Variants in DLGAP2 observed in about 807,000 individuals in gnomAD.
DLGAP2 encodes disks large-associated protein 2.
In DLGAP2, 26 loss-of-function variants were observed where a neutral mutation model predicts 100.3. The ratio of observed to expected loss-of-function variants is 0.26; its 90% CI spans 0.19 to 0.36. The LOEUF (loss-of-function observed/expected upper bound fraction) is 0.36. Among genes scored for constraint, DLGAP2 ranks in the 10% least tolerant of loss-of-function variants. The pLI is 1.00. For missense variants in DLGAP2, 1,858 were observed against 1,453.2 expected (o/e 1.28, Z -4.53); for synonymous variants, 886 against 630.1 (o/e 1.41, Z -6.08).
intron 2 of DLGAP2, chr8:926,910 C>G: frequency 1.7e-6 from 1 of 573,996 alleles, no homozygotes; most frequent in South Asian, 7.6e-5. Flanking sequence ...CGTAGGCGTT[C>G]CAGGTGTTCC....
At chr8:1,198,750 G>A (rs1462271551) in intron 2 of DLGAP2, among the ~76,000 whole-genome samples, 1 of 152,194 alleles carries the variant, frequency 6.6e-6, no homozygotes, top group Non-Finnish European at 1.5e-5. Flanking sequence ...GTGTCCTTTG[G>A]CAAGACCACA....
chr8:1,586,472 T>G (rs1169637817), intron 6 of DLGAP2, among the ~76,000 whole-genome samples: 1 of 152,192 alleles, frequency 6.6e-6, no homozygotes, highest in African/African-American at 2.4e-5. Context: ...TGCCTTCCTC[T>G]TCTGCTTTCA....
chr8:1,209,119 A>G (rs527636060), intron 2 of DLGAP2, among the ~76,000 whole-genome samples: 4 of 152,272 alleles, frequency 2.6e-5, no homozygotes, highest in Non-Finnish European at 4.4e-5. Context: ...TCAAAATACC[A>G]TCATCATTCT....
chr8:944,418 T>G (rs1799266807), intron 2 of DLGAP2, among the ~76,000 whole-genome samples: 1 of 151,816 alleles, frequency 6.6e-6, no homozygotes, highest in African/African-American at 2.4e-5. Flanking sequence ...TGGTAATTGA[T>G]CCCTGTGGAT....
intron 1 of DLGAP2, among the ~76,000 whole-genome samples, chr8:878,110 C>G (rs1797719279): frequency 6.6e-6 from 1 of 152,122 alleles, no homozygotes; most frequent in Non-Finnish European, 1.5e-5. Context: ...ACTGGGAGTC[C>G]TCATACTGTC....
chr8:873,752 T>C (rs1056689088), intron 1 of DLGAP2, among the ~76,000 whole-genome samples: 6 of 152,204 alleles, frequency 3.9e-5, no homozygotes, highest in African/African-American at 1.4e-4. Flanking sequence ...GCATTGTTAT[T>C]AATTGTTCTT....
chr8:1,173,937 C>G (rs1163960811), intron 2 of DLGAP2, among the ~76,000 whole-genome samples: 1 of 152,202 alleles, frequency 6.6e-6, no homozygotes, highest in East Asian at 1.9e-4. Context: ...CCTGGTACCT[C>G]AGATGGAAAT....
chr8:1,204,525 C>A (rs1211125034), intron 2 of DLGAP2, among the ~76,000 whole-genome samples: 1 of 152,174 alleles, frequency 6.6e-6, no homozygotes, highest in African/African-American at 2.4e-5. Context: ...CCTGGTGAAA[C>A]TGGACAAAGA....
chr8:1,122,437 T>A (rs1796070441), intron 2 of DLGAP2, among the ~76,000 whole-genome samples: 1 of 152,198 alleles, frequency 6.6e-6, no homozygotes, highest in Non-Finnish European at 1.5e-5. Flanking sequence ...GGGAGCTCTG[T>A]TACTGCCATC....
intron 2 of DLGAP2, among the ~76,000 whole-genome samples, chr8:1,188,984 G>GCGGGA (rs1797576285): frequency 6.8e-6 from 1 of 147,100 alleles, no homozygotes. Flanking sequence ...TCGGGCCCCA[G>GCGGGA]GCCGGTTCCG....
At chr8:1,136,381 T>C (rs964897740) in intron 2 of DLGAP2, among the ~76,000 whole-genome samples, 4 of 152,126 alleles carry the variant, frequency 2.6e-5, no homozygotes, top group Admixed American at 1.3e-4. Context: ...CAGATGCTCG[T>C]GGGAGAGAAG....
At chr8:1,139,352 T>G (rs13259130) in intron 2 of DLGAP2, among the ~76,000 whole-genome samples, 134,563 of 152,230 alleles carry the variant, frequency 0.88, 59,574 homozygotes, top group Middle Eastern at 0.92. Context: ...GGCAGCCTTG[T>G]CAGCAGACAT....
intron 2 of DLGAP2, among the ~76,000 whole-genome samples, chr8:1,077,933 C>T (rs759133080): frequency 1.3e-5 from 2 of 152,220 alleles, no homozygotes; most frequent in African/African-American, 2.4e-5. Context: ...TGATTCTCTC[C>T]ACACCACTGT....
intron 1 of DLGAP2, among the ~76,000 whole-genome samples, chr8:899,131 T>A (rs2128997046): frequency 6.6e-6 from 1 of 152,330 alleles, no homozygotes; most frequent in African/African-American, 2.4e-5. Context: ...GCCTGATGTC[T>A]TCACGCCACT....
intron 2 of DLGAP2, among the ~76,000 whole-genome samples, chr8:1,187,243 C>T (rs1338064902): frequency 1.3e-5 from 2 of 152,126 alleles, no homozygotes; most frequent in Admixed American, 1.3e-4. Flanking sequence ...ACGTTTGCCT[C>T]ATGGAATCTC....
intron 2 of DLGAP2, among the ~76,000 whole-genome samples, chr8:1,177,244 C>G (rs1239181516): frequency 6.6e-6 from 1 of 152,074 alleles, no homozygotes; most frequent in African/African-American, 2.4e-5. Context: ...TGTGATTGTG[C>G]TTTATTTTAG....
intron 1 of DLGAP2, among the ~76,000 whole-genome samples, chr8:868,171 T>TA (rs1797532904): frequency 6.6e-6 from 1 of 152,138 alleles, no homozygotes; most frequent in Admixed American, 6.5e-5. Flanking sequence ...ATACAGTGAG[T>TA]AAAGGGTTTA....
At chr8:1,198,188 G>C (rs139475963) in intron 2 of DLGAP2, among the ~76,000 whole-genome samples, 1 of 152,042 alleles carries the variant, frequency 6.6e-6, no homozygotes, top group African/African-American at 2.4e-5. Context: ...GCTATGCTGC[G>C]GCGAAAAGGA....
chr8:1,264,366 C>A (rs996335023), intron 3 of DLGAP2, among the ~76,000 whole-genome samples: 1 of 152,108 alleles, frequency 6.6e-6, no homozygotes, highest in Non-Finnish European at 1.5e-5. Flanking sequence ...AACCCAGACA[C>A]TCACCCAGCT....
Sources: gnomAD v4.1 joint callset for allele counts (sites outside exome capture counted in the v4.1 genomes callset) on GRCh38, gnomAD v4.1.1 for gene constraint, MANE v1.5 for transcripts, NCBI Gene and HGNC (gene_info 2026-07-23, HGNC 2026-07-21) for gene names.